Variants in ELMO1 observed in about 807,000 individuals in gnomAD.
ELMO1 encodes the protein engulfment and cell motility 1, also known as engulfment and cell motility protein 1.
Under a neutral mutation model 98.9 loss-of-function variants are expected in ELMO1, and 26 were observed. That is an observed-to-expected ratio of 0.26 (90% CI 0.19 to 0.36). ELMO1 has a LOEUF of 0.36. ELMO1 is among the 10% of genes least tolerant of loss of function. The pLI is 1.00. For synonymous variants in ELMO1, 346 were observed against 346.0 expected (o/e 1.00, Z 0.00); for missense variants, 627 against 935.2 (o/e 0.67, Z 4.30).
intron 19 of ELMO1, among the ~76,000 whole-genome samples, chr7:36,874,547 A>G (rs1025993218): frequency 2.0e-5 from 3 of 152,228 alleles, no homozygotes; most frequent in Admixed American, 2.0e-4. Context: ...CTGTAGATGG[A>G]GAGACCTGAA....
intron 15 of ELMO1, among the ~76,000 whole-genome samples, chr7:37,087,200 T>G (rs1161520809): frequency 6.6e-6 from 1 of 152,218 alleles, no homozygotes; most frequent in Non-Finnish European, 1.5e-5. Flanking sequence ...TAAACCACAT[T>G]AGCTTATCCT....
At chr7:36,913,212 T>C (rs1784456214) in intron 16 of ELMO1, among the ~76,000 whole-genome samples, 1 of 152,208 alleles carries the variant, frequency 6.6e-6, no homozygotes, top group African/African-American at 2.4e-5. Context: ...AAGGGAAACC[T>C]AGTATGTGGC....
At chr7:37,394,742 C>T (rs559784320) in intron 1 of ELMO1, among the ~76,000 whole-genome samples, 33 of 152,102 alleles carry the variant, frequency 2.2e-4, no homozygotes, top group Admixed American at 1.9e-3. Flanking sequence ...ATCAGGAGGG[C>T]CTGGGGGGCT....
intron 20 of ELMO1, among the ~76,000 whole-genome samples, chr7:36,869,131 C>T (rs1471893348): frequency 6.6e-6 from 1 of 152,208 alleles, no homozygotes; most frequent in Non-Finnish European, 1.5e-5. Flanking sequence ...AAACGGAAAC[C>T]CCCGTTGGTG....
chr7:37,441,318 A>C (rs1372074995), intron 1 of ELMO1, among the ~76,000 whole-genome samples: 1 of 152,160 alleles, frequency 6.6e-6, no homozygotes, highest in African/African-American at 2.4e-5. Context: ...CAAGCAGAGA[A>C]GGTAAATAAA....
intron 16 of ELMO1, among the ~76,000 whole-genome samples, chr7:36,935,000 A>T (rs996463553): frequency 6.6e-6 from 1 of 152,162 alleles, no homozygotes; most frequent in Non-Finnish European, 1.5e-5. Context: ...CCACCACTGC[A>T]AGTTTTTCCT....
At chr7:37,166,328 T>C (rs1789688378) in intron 13 of ELMO1, among the ~76,000 whole-genome samples, 1 of 152,206 alleles carries the variant, frequency 6.6e-6, no homozygotes, top group African/African-American at 2.4e-5. Flanking sequence ...TTTTTGTGTC[T>C]CTATTTCCTT....
chr7:37,406,234 G>C, intron 1 of ELMO1, among the ~76,000 whole-genome samples: 1 of 151,458 alleles, frequency 6.6e-6, no homozygotes. Context: ...TCTGCAGTTG[G>C]TGCAAGGGAG....
intron 13 of ELMO1, among the ~76,000 whole-genome samples, chr7:37,162,841 CT>C (rs1313336039): frequency 6.6e-6 from 1 of 152,112 alleles, no homozygotes; most frequent in Non-Finnish European, 1.5e-5. Context: ...ACATAGGGTT[CT>C]TTTTTCCACT....
intron 15 of ELMO1, among the ~76,000 whole-genome samples, chr7:37,047,966 A>G (rs1795895732): frequency 6.6e-6 from 1 of 152,236 alleles, no homozygotes; most frequent in Non-Finnish European, 1.5e-5. Flanking sequence ...TTAAATATTT[A>G]CAATCATGGT....
rs577999801 is a variant in ELMO1 at position 37,340,792 on chromosome 7, G to A, written c.78+1821C>T. Among the ~76,000 whole-genome samples, 467 of 152,236 alleles carry A rather than the reference G, an allele frequency of 3.1e-3. 2 individuals are homozygous for A. The highest frequency in any genetic ancestry group is 4.0e-3 in the Non-Finnish European group (271 of 68,016). ...AGCAAAGGCCATCTCCAAAGGCAGA[G>A]AACACTACACTAACCTCACAGGTAA... On this transcript the variant is annotated intron_variant, in intron 2 of 21. Coordinates refer to ENST00000310758, the MANE Select transcript of ELMO1 (RefSeq NM_014800.11).
At position 37,321,716 on chromosome 7, in the gene ELMO1, C is replaced by CAAAAAAAAAAAAAA. The variant is rs565421716; in HGVS notation, c.79-5770_79-5757dup. ...TGGGCAACAGAGCGAGACTCCGTCT[C>CAAAAAAAAAAAAAA]AAAAAAAAAAAAAAAAAAAAAACAC... On this transcript the variant is annotated intron_variant, in intron 2 of 21. Transcript: ENST00000310758. Among the ~76,000 whole-genome samples, 381 of 66,050 alleles carry CAAAAAAAAAAAAAA rather than the reference C, an allele frequency of 5.8e-3. 13 individuals carry two copies. Among genetic ancestry groups the CAAAAAAAAAAAAAA allele is most frequent in the African/African-American group, 0.013 (159 of 12,414 alleles). 43.3% of individuals were successfully genotyped at this position (66,050 alleles called of 152,430 possible).
At chr7:37,438,313 C>T (rs908084072) in intron 1 of ELMO1, among the ~76,000 whole-genome samples, 4 of 151,814 alleles carry the variant, frequency 2.6e-5, no homozygotes, top group African/African-American at 7.3e-5. Flanking sequence ...TCGGGCCGGG[C>T]GCGGTGGCTC....
intron 13 of ELMO1, among the ~76,000 whole-genome samples, chr7:37,206,072 A>G (rs1197627265): frequency 6.6e-6 from 1 of 152,080 alleles, no homozygotes; most frequent in Non-Finnish European, 1.5e-5. Flanking sequence ...GACAACCTAC[A>G]ACTCTCACGT....
At chr7:37,395,367 CAAAAAAAA>C (rs59452486) in intron 1 of ELMO1, among the ~76,000 whole-genome samples, 4 of 66,190 alleles carry the variant, frequency 6.0e-5, no homozygotes, top group African/African-American at 2.0e-4. Context: ...AACTCCATCT[CAAAAAAAA>C]AAAAAAAAAA....
chr7:37,345,492 T>A (rs1800953846), intron 1 of ELMO1, among the ~76,000 whole-genome samples: 1 of 151,122 alleles, frequency 6.6e-6, no homozygotes, highest in Admixed American at 6.6e-5. Flanking sequence ...GGTGGATCAC[T>A]TGAGGCCAGG....
At chr7:37,077,687 A>G (rs1797656401) in intron 15 of ELMO1, among the ~76,000 whole-genome samples, 1 of 152,172 alleles carries the variant, frequency 6.6e-6, no homozygotes, top group Admixed American at 6.5e-5. Context: ...TGTGGATGTG[A>G]GGCAGTGACT....
At chr7:37,443,202 C>T (rs575842490) in intron 1 of ELMO1, among the ~76,000 whole-genome samples, 57 of 152,152 alleles carry the variant, frequency 3.7e-4, no homozygotes, top group Non-Finnish European at 7.2e-4. Flanking sequence ...AGAGTACAAC[C>T]CACTGAACAC....
At chr7:37,287,887 T>G (rs1388126513) in intron 4 of ELMO1, among the ~76,000 whole-genome samples, 13 of 152,224 alleles carry the variant, frequency 8.5e-5, no homozygotes, top group Admixed American at 8.5e-4. Flanking sequence ...TGCTGGCTGT[T>G]TCTTTTCCTA....
Sources: gnomAD v4.1 joint callset for allele counts (sites outside exome capture counted in the v4.1 genomes callset) on GRCh38, gnomAD v4.1.1 for gene constraint, MANE v1.5 for transcripts, NCBI Gene and HGNC (gene_info 2026-07-23, HGNC 2026-07-21) for gene names.